Variants in SH3D21 observed in about 807,000 individuals in gnomAD.
SH3D21 encodes the protein SH3 domain-containing protein 21.
A neutral mutation model predicts 82.1 loss-of-function variants in SH3D21; 83 were observed. The ratio of observed to expected loss-of-function variants is 1.01; its 90% CI spans 0.85 to 1.21. SH3D21 has a LOEUF of 1.21. Among genes scored for constraint, SH3D21 ranks in the 50% most tolerant of loss-of-function variants. The pLI is 0.00. For synonymous variants in SH3D21, 383 were observed against 387.8 expected (o/e 0.99, Z 0.15); for missense variants, 980 against 962.1 (o/e 1.02, Z -0.25).
chr1:36,322,472 G>C, downstream of SH3D21: 3 of 1,604,452 alleles, frequency 1.9e-6, no homozygotes, highest in Non-Finnish European at 2.5e-6. Context: ...TGACGTTGAG[G>C]GGCCCGTCCG....
intron 10 of SH3D21, among the ~76,000 whole-genome samples, chr1:36,316,845 T>C (rs1272187231): frequency 6.6e-6 from 1 of 150,522 alleles, no homozygotes. Context: ...CTCACTGCAA[T>C]CTCCGCCTCC....
chr1:36,319,355 G>A, intron 12 of SH3D21, 43 bp downstream of exon 12: 1 of 1,551,444 alleles, frequency 6.4e-7, no homozygotes. Context: ...CTGGAGGACA[G>A]GGATGGGGTG....
At chr1:36,322,643 G>A (rs1245702541), downstream of SH3D21, 6 of 1,546,304 alleles carry the variant, frequency 3.9e-6, no homozygotes, top group Non-Finnish European at 5.2e-6. Context: ...CCCACGAGAT[G>A]CTGATGACGA....
Position 36,306,912 on chromosome 1 carries a change from G to C in SH3D21, c.226+7G>C. ...CGCTGTGCGCGCCGCCGAGGTGAGCGCAAGGGCGGGGACGGGCGCCGGTGG... is the reference window on the plus strand; with the variant it reads ...CGCTGTGCGCGCCGCCGAGGTGAGCCCAAGGGCGGGGACGGGCGCCGGTGG... On this transcript the variant is annotated splice_region_variant and intron_variant, in intron 3 of 15. Transcript: ENST00000453908. The surrounding 1 kb of genome is among the most constrained non-coding windows in gnomAD (Gnocchi z 4.5). The C allele has an allele frequency of 1.5e-6, 2 of 1,326,618 alleles. No homozygotes were observed. The highest frequency in any genetic ancestry group is 2.0e-6 in the Non-Finnish European group (2 of 1,015,858). 82.2% of individuals were successfully genotyped at this position (1,326,618 alleles called of 1,614,324 possible).
chr1:36,321,306 T>C lies in SH3D21; in HGVS notation c.*179T>C. The C allele has an allele frequency of 7.0e-7, 1 of 1,433,248 alleles. No homozygotes were observed. The highest frequency in any genetic ancestry group is 9.1e-7 in the Non-Finnish European group (1 of 1,099,300). 88.8% of individuals were successfully genotyped at this position (1,433,248 alleles called of 1,614,324 possible). ...GGGCCTCCGCATTCCTGACGGTCCC[T>C]CCCAGGCACATCTGGCCAACATGTG... is the stretch of plus-strand genomic sequence containing the variant. On this transcript the variant is annotated 3_prime_UTR_variant, in exon 16 of 16. Coordinates refer to ENST00000453908, the MANE Select transcript of SH3D21 (RefSeq NM_001162530.2). The surrounding 1 kb of genome is among the most constrained non-coding windows in gnomAD (Gnocchi z 6.1).
chr1:36,322,576 G>C (rs1214199712), downstream of SH3D21: 2 of 1,582,174 alleles, frequency 1.3e-6, no homozygotes, highest in South Asian at 2.3e-5. Context: ...TCGGGCTCCA[G>C]GGTGCTGCTG....
At chr1:36,326,681 G>C (rs968590489), downstream of SH3D21, among the ~76,000 whole-genome samples, 2 of 152,224 alleles carry the variant, frequency 1.3e-5, no homozygotes, top group Non-Finnish European at 2.9e-5. Context: ...AGGGAGGGTG[G>C]TGAGTAGGCT....
chr1:36,323,470 C>T (rs1646503963), downstream of SH3D21: 1 of 153,812 alleles, frequency 6.5e-6, no homozygotes, highest in African/African-American at 2.4e-5. Context: ...GTCAGCGCCC[C>T]GCTTCCCGGC....
rs895341216 is a variant in SH3D21, at chr1:36,307,986, C to T, written c.538+23C>T. 57 of 1,551,578 alleles carry T rather than the reference C, an allele frequency of 3.7e-5. No individual in the cohort carries two copies. Among genetic ancestry groups the T allele is most frequent in the Non-Finnish European group, 4.5e-5 (52 of 1,146,998 alleles). On this transcript the variant is annotated intron_variant, in intron 7 of 15. Transcript: ENST00000453908. The surrounding 1 kb of genome is among the most constrained non-coding windows in gnomAD (Gnocchi z 5.4). The stretch of plus-strand genomic sequence containing the variant: ...CAGGTGAGCACCCATCCAAAGGGTC[C>T]CCCACTCCCTCAGCCACTCCCAAGG...
Position 36,307,736 on chromosome 1 carries a change from T to G in SH3D21, c.437-34T>G. 2.6e-6 allele frequency: 4 copies of G among 1,548,896 alleles called. No individual in the cohort carries two copies. Among genetic ancestry groups the G allele is most frequent in the Non-Finnish European group, 3.5e-6 (4 of 1,145,260 alleles). ...CTCTCCCATGACCTAACCTGTGAAT[T>G]AGCACCCTCCCTAACCTCACTGTCC... is the stretch of plus-strand genomic sequence containing the variant. On this transcript the variant is annotated intron_variant, in intron 5 of 15. Transcript: ENST00000453908. This position sits in a 1 kb window ranked among gnomAD's most constrained non-coding sequence, Gnocchi z 5.4.
At position 36,306,865 on chromosome 1, in the gene SH3D21, C is replaced by T. The variant is rs757787363; in HGVS notation, c.186C>T (p.Gly62=). ...LVQEIPETLR[G]SGEARRPRCA... ...AGGAGATCCCAGAGACCCTGCGGGG[C>T]TCCGGAGAGGCGCGGAGGCCGCGCT... Residue 62 remains glycine (G), a synonymous_variant, in exon 3 of 16, where the codon GGC becomes GGT. Coordinates refer to ENST00000453908, the MANE Select transcript of SH3D21 (RefSeq NM_001162530.2). The surrounding 1 kb of genome is among the most constrained non-coding windows in gnomAD (Gnocchi z 4.5). 6.2e-6 allele frequency: 8 copies of T among 1,298,690 alleles called. No individual in the cohort carries two copies. The highest frequency in any genetic ancestry group is 1.1e-4 in the East Asian group (2 of 17,566). The allele number at this position is 1,298,690 out of a possible 1,614,324, so 80.4% of individuals were successfully genotyped here. A position where few individuals can be genotyped will look rare whatever the true frequency, so the allele number is the denominator to read the frequency against.
intron 9 of SH3D21, 141 bp from the exon 10 acceptor site, chr1:36,309,407 A>C: frequency 1.1e-6 from 1 of 888,512 alleles, no homozygotes; most frequent in Non-Finnish European, 1.7e-6. Context: ...ATGTTGGCCA[A>C]GCTGGTCTCG....
chr1:36,310,913 T>G (rs1048568772), intron 10 of SH3D21, among the ~76,000 whole-genome samples: 7 of 151,268 alleles, frequency 4.6e-5, no homozygotes, highest in African/African-American at 1.7e-4. Context: ...TTTGTTTGTT[T>G]TTTTTTTTTT....
At chr1:36,311,835 A>G (rs1018410995) in intron 10 of SH3D21, among the ~76,000 whole-genome samples, 1 of 151,844 alleles carries the variant, frequency 6.6e-6, no homozygotes, top group Non-Finnish European at 1.5e-5. Context: ...CTGGTACTAC[A>G]GGTACAAGCC....
downstream of SH3D21, chr1:36,324,878 G>A (rs921184234): frequency 1.3e-5 from 2 of 152,186 alleles, no homozygotes; most frequent in Non-Finnish European, 2.9e-5. Flanking sequence ...GCAGCCACTA[G>A]TCAACAAATA....
At chr1:36,324,962 C>G (rs1421239007), downstream of SH3D21, 2 of 152,218 alleles carry the variant, frequency 1.3e-5, no homozygotes, top group Non-Finnish European at 2.9e-5. Context: ...CAAAAATATT[C>G]AAAACCAAAA....
intron 10 of SH3D21, among the ~76,000 whole-genome samples, chr1:36,313,077 C>A (rs933508411): frequency 2.6e-5 from 4 of 152,052 alleles, no homozygotes; most frequent in African/African-American, 9.7e-5. Flanking sequence ...GTAATCCCAG[C>A]ACTTTGGGAG....
rs752990112 is a variant in SH3D21, at chr1:36,319,908, C to CCCAGAGAACT, written c.1253_1254insCTCCAGAGAA (p.Lys418AsnfsTer52). On this transcript the variant is annotated frameshift_variant, in exon 14 of 16. Transcript: ENST00000453908. LOFTEE classifies it high-confidence loss of function. Reference sequence around the variant, plus strand: ...TCCCAGCTCCTGACAAAGTCCCCACCCCAGAGAAGATGGTGACTCCGGAGG... The same window carrying CCCAGAGAACT: ...TCCCAGCTCCTGACAAAGTCCCCACCCCAGAGAACTCCAGAGAAGATGGTGACTCCGGAGG... 6.2e-7 allele frequency: 1 copy of CCCAGAGAACT among 1,614,144 alleles called. No individual in the cohort carries two copies. The highest frequency in any genetic ancestry group is 1.1e-5 in the South Asian group (1 of 91,078).
At position 36,308,417 on chromosome 1, in the gene SH3D21, G is replaced by C. The variant is rs1235809245; in HGVS notation, c.668G>C (p.Gly223Ala). ...ACAGAGGATAAGGGCTGGTGGGAAG[G>C]AGAGTGTCAAGGACGAAGAGGAGTT... ...KTTEDKGWWE[G>A]ECQGRRGVFP... is the part of the protein sequence containing the mutation. Residue 223 changes from glycine to alanine, a missense_variant, in exon 9 of 16, where the codon GGA (glycine) becomes GCA (alanine). By Grantham distance (60) the Gly-to-Ala change is moderately conservative. Coordinates refer to ENST00000453908, the MANE Select transcript of SH3D21 (RefSeq NM_001162530.2). The C allele has an allele frequency of 3.2e-6, 5 of 1,551,966 alleles. No individual in the cohort carries two copies. The highest frequency in any genetic ancestry group is 4.4e-6 in the Non-Finnish European group (5 of 1,147,052).
Sources: allele counts gnomAD v4.1 joint callset (sites outside exome capture counted in the v4.1 genomes callset), GRCh38; gene constraint gnomAD v4.1.1; non-coding constraint Gnocchi (gnomAD v3.1); transcripts MANE v1.5; gene names NCBI Gene and HGNC (gene_info 2026-07-23, HGNC 2026-07-21).